TSPAN11: variants seen among roughly 807,000 people sequenced by gnomAD.
The protein encoded by TSPAN11 is tetraspanin-11.
A neutral mutation model predicts 32.9 loss-of-function variants in TSPAN11; 29 were observed. The observed-to-expected ratio is 0.88, with a 90% CI of 0.66 to 1.20. The LOEUF (loss-of-function observed/expected upper bound fraction) is 1.20, where lower values mean the gene tolerates loss of function less well. TSPAN11 is among the 50% of genes most tolerant of loss of function. The pLI, the probability that TSPAN11 is intolerant of heterozygous loss-of-function variation, is 0.00. For synonymous variants in TSPAN11, 140 were observed against 141.3 expected, an observed-to-expected ratio of 0.99 and a Z score of 0.07; for missense variants, 283 against 329.1, an observed-to-expected ratio of 0.86 and a Z score of 1.08.
chr12:30,981,623 C>T (rs568099078), intron 5 of TSPAN11, among the ~76,000 whole-genome samples: 56 of 152,308 alleles, frequency 3.7e-4, no homozygotes, highest in South Asian at 6.2e-4. Flanking sequence ...GTGGATTGTT[C>T]CTGGCCCTGG....
intron 1 of TSPAN11, among the ~76,000 whole-genome samples, chr12:30,930,336 G>A (rs1357758733): frequency 1.3e-5 from 2 of 152,162 alleles, no homozygotes; most frequent in African/African-American, 2.4e-5. Flanking sequence ...CTCATTCCCA[G>A]GAAGGGATGA....
At chr12:30,976,929 T>G (rs919651511) in intron 3 of TSPAN11, among the ~76,000 whole-genome samples, 1 of 151,816 alleles carries the variant, frequency 6.6e-6, no homozygotes, top group African/African-American at 2.4e-5. Context: ...GAGCCTGGGG[T>G]AGGAAAGGAA....
At chr12:30,950,918 A>C (rs979283324) in intron 1 of TSPAN11, among the ~76,000 whole-genome samples, 7 of 152,236 alleles carry the variant, frequency 4.6e-5, no homozygotes, top group African/African-American at 1.4e-4. Context: ...GATCTACCAG[A>C]ATGATATCAC....
At chr12:30,991,770 G>T in intron 7 of TSPAN11, 86 bp from the exon 8 acceptor site, 1 of 1,451,188 alleles carries the variant, frequency 6.9e-7, no homozygotes, top group South Asian at 1.2e-5. Flanking sequence ...GTATTCGAGT[G>T]AGCAGCACTG....
At chr12:30,973,499 G>C (rs1301880747) in intron 3 of TSPAN11, among the ~76,000 whole-genome samples, 2 of 152,134 alleles carry the variant, frequency 1.3e-5, no homozygotes, top group African/African-American at 2.4e-5. Flanking sequence ...TTGCTGGAAG[G>C]GATGCCTGTC....
chr12:31,016,141 G>T, the TSPAN11 span, among the ~76,000 whole-genome samples: 1 of 152,216 alleles, frequency 6.6e-6, no homozygotes, highest in East Asian at 1.9e-4. Flanking sequence ...AAATTAAATA[G>T]AGAAGTCAGA....
rs1939116442 is a variant in TSPAN11 at position 30,982,635 on chromosome 12, CAGT to C, written c.561_563del (p.Val190del). The C allele has an allele frequency of 1.9e-6, 3 of 1,611,720 alleles. No individual in the cohort carries two copies. Among genetic ancestry groups the C allele is most frequent in the African/African-American group, 2.7e-5 (2 of 74,884 alleles). ...CAGGTGCCCGACAGCTGCTGCAAGA[CAGT>C]GGTGGTGCGCTGCGGCCAGCGGGCC... On this transcript the variant is annotated inframe_deletion, in exon 6 of 8. Coordinates refer to ENST00000546076, the MANE Select transcript of TSPAN11 (RefSeq NM_001370302.1).
rs573628165 is a variant in TSPAN11, at chr12:30,934,818, T to C, written c.-12+8022T>C. 2.1e-3 allele frequency among the ~76,000 whole-genome samples: 313 copies of C among 152,182 alleles called. 1 individual carries two copies. The highest frequency in any genetic ancestry group is 7.3e-3 in the African/African-American group (304 of 41,524). On this transcript the variant is annotated intron_variant, in intron 1 of 7. Coordinates refer to ENST00000546076, the MANE Select transcript of TSPAN11 (RefSeq NM_001370302.1). ...TGCTATTACAATAACTTTCTCAGTATACAGATAAAGACACTGAGTCACAGA... is the reference window on the plus strand; with the variant it reads ...TGCTATTACAATAACTTTCTCAGTACACAGATAAAGACACTGAGTCACAGA...
downstream of TSPAN11, chr12:30,997,120 C>T (rs1939429326): frequency 6.6e-6 from 1 of 152,212 alleles, no homozygotes; most frequent in Non-Finnish European, 1.5e-5. Flanking sequence ...CAGGGTTTCT[C>T]CACCGTGGAC....
At position 30,993,524 on chromosome 12, in the gene TSPAN11, GCTT is replaced by G. The variant is rs1252721248; in HGVS notation, c.*1613_*1615del. The G allele has an allele frequency of 6.6e-6, 1 of 152,236 alleles. No homozygotes were observed. Among genetic ancestry groups the G allele is most frequent in the Non-Finnish European group, 1.5e-5 (1 of 68,058 alleles). 9.4% of individuals were successfully genotyped at this position (152,236 alleles called of 1,614,324 possible). ...CCTCTTCTCTGGGTGTTCTCCAGTG[GCTT>G]CTTGGAGCCTAGGCTGGTTTATCTC... On this transcript the variant is annotated 3_prime_UTR_variant, in exon 8 of 8. Transcript: ENST00000546076.
intron 2 of TSPAN11, among the ~76,000 whole-genome samples, chr12:30,957,646 TC>T (rs1938511891): frequency 7.0e-5 from 3 of 42,900 alleles, no homozygotes; most frequent in African/African-American, 1.2e-4. Flanking sequence ...CCTCCCTCCC[TC>T]CCTCCCTTCC....
chr12:30,971,891 C>G (rs915068374), intron 3 of TSPAN11, among the ~76,000 whole-genome samples: 2 of 151,764 alleles, frequency 1.3e-5, no homozygotes. Flanking sequence ...GCTGTTCTAG[C>G]TTCACTTTGG....
chr12:31,011,259 TG>T, the TSPAN11 span, among the ~76,000 whole-genome samples: 3 of 152,098 alleles, frequency 2.0e-5, no homozygotes, highest in African/African-American at 7.2e-5. Context: ...CCAGGTGTGG[TG>T]ATGCATGCCT....
intron 7 of TSPAN11, among the ~76,000 whole-genome samples, chr12:30,987,987 G>C (rs1284918155): frequency 1.3e-5 from 2 of 152,262 alleles, no homozygotes; most frequent in Non-Finnish European, 2.9e-5. Context: ...ACTCCCTGCG[G>C]CTGCAGGCTG....
intron 1 of TSPAN11, among the ~76,000 whole-genome samples, chr12:30,930,898 TC>T (rs1937908302): frequency 6.6e-6 from 1 of 152,224 alleles, no homozygotes; most frequent in Admixed American, 6.5e-5. Flanking sequence ...AGTGGCTGCA[TC>T]CTGGCAGCCT....
chr12:30,981,331 T>C (rs2140305599), intron 5 of TSPAN11, among the ~76,000 whole-genome samples: 1 of 152,302 alleles, frequency 6.6e-6, no homozygotes, highest in African/African-American at 2.4e-5. Context: ...CACACAAGCG[T>C]GATGGTGGAA....
At chr12:30,936,771 A>G (rs1043473681) in intron 1 of TSPAN11, among the ~76,000 whole-genome samples, 4 of 152,208 alleles carry the variant, frequency 2.6e-5, no homozygotes, top group Non-Finnish European at 5.9e-5. Context: ...GGTCATGGGC[A>G]TGAGCCTGGA....
At chr12:30,980,384 G>C (rs532553304) in intron 5 of TSPAN11, among the ~76,000 whole-genome samples, 1 of 152,170 alleles carries the variant, frequency 6.6e-6, no homozygotes, top group Non-Finnish European at 1.5e-5. Context: ...TCATTAGCCC[G>C]TGTGTCTAGT....
chr12:30,970,648 A>G (rs1296896115), intron 3 of TSPAN11, among the ~76,000 whole-genome samples: 1 of 152,110 alleles, frequency 6.6e-6, no homozygotes, highest in African/African-American at 2.4e-5. Flanking sequence ...TGGCCAGAGC[A>G]CATTCTTGAG....
Sources: gnomAD v4.1 joint callset for allele counts (sites outside exome capture counted in the v4.1 genomes callset) on GRCh38, gnomAD v4.1.1 for gene constraint, MANE v1.5 for transcripts, NCBI Gene and HGNC (gene_info 2026-07-23, HGNC 2026-07-21) for gene names.